Variants in SH3PXD2B observed in about 807,000 individuals in gnomAD.
SH3PXD2B encodes SH3 and PX domains 2B.
Under a neutral mutation model 73.1 loss-of-function variants are expected in SH3PXD2B, and 37 were observed. The observed-to-expected ratio is 0.51, with a 90% CI of 0.39 to 0.67. SH3PXD2B has a LOEUF of 0.67. Among genes scored for constraint, SH3PXD2B ranks in the 30% least tolerant of loss-of-function variants. The pLI, the probability that SH3PXD2B is intolerant of heterozygous loss-of-function variation, is 0.00. For missense variants in SH3PXD2B, 1,053 were observed against 1,197.8 expected, an observed-to-expected ratio of 0.88 and a Z score of 1.78; for synonymous variants, 457 against 480.5, an observed-to-expected ratio of 0.95 and a Z score of 0.64.
chr5:172,382,125 G>A lies in SH3PXD2B; in HGVS notation c.312C>T (p.Ala104=), dbSNP rs1275926463. The change falls in exon 5 of 13, where the codon GCC becomes GCT. Residue 104 remains alanine, a splice_region_variant and synonymous_variant. Coordinates refer to ENST00000311601, the MANE Select transcript of SH3PXD2B (RefSeq NM_001017995.3). ...AGATGTAGGGGGGCAGCTGGATGAG[G>A]GCCTGGAGAAGAGAGACGCAGGTGA... ...RLIPIDEYCK[A]LIQLPPYISQ... The A allele has an allele frequency of 1.2e-6, 2 of 1,605,056 alleles. No homozygotes were observed. Among genetic ancestry groups the A allele is most frequent in the East Asian group, 2.2e-5 (1 of 44,614 alleles).
intron 1 of SH3PXD2B, among the ~76,000 whole-genome samples, chr5:172,447,517 A>G (rs1759697410): frequency 6.6e-6 from 1 of 152,232 alleles, no homozygotes; most frequent in Non-Finnish European, 1.5e-5. Flanking sequence ...TCAAACCTCA[A>G]TTACATGCTA....
In SH3PXD2B at chr5:172,442,707, T is replaced by A. The variant is rs1206289211; in HGVS notation, c.75+11571A>T. On this transcript the variant is annotated intron_variant, in intron 1 of 12. Transcript: ENST00000311601. ...TGCACATCACTAGTCAGATAAATGA[T>A]GATGATGATGATGGTAAAGATAATA... 2.6e-5 allele frequency among the ~76,000 whole-genome samples: 4 copies of A among 152,310 alleles called. No homozygotes were observed. In the East Asian group the frequency reaches 7.7e-4, roughly 29 times the overall value.
chr5:172,448,426 C>G (rs111993689), intron 1 of SH3PXD2B, among the ~76,000 whole-genome samples: 4,219 of 152,298 alleles, frequency 0.028, 205 homozygotes, highest in African/African-American at 0.096. Flanking sequence ...TCTCGGCTCA[C>G]TGCAACCTCC....
intron 12 of SH3PXD2B, among the ~76,000 whole-genome samples, chr5:172,344,095 T>A (rs965149104): frequency 6.6e-6 from 1 of 151,970 alleles, no homozygotes; most frequent in Non-Finnish European, 1.5e-5. Context: ...GCCTATATCA[T>A]CATCATCATC....
chr5:172,398,342 G>A (rs2163791), intron 3 of SH3PXD2B, among the ~76,000 whole-genome samples: 78,884 of 152,128 alleles, frequency 0.52, 22,456 homozygotes, highest in African/African-American at 0.75. Flanking sequence ...TCTATCAATA[G>A]TCAGGAGCCT....
chr5:172,367,880 T>C (rs1312335335), intron 6 of SH3PXD2B, among the ~76,000 whole-genome samples: 4 of 152,174 alleles, frequency 2.6e-5, no homozygotes, highest in Non-Finnish European at 5.9e-5. Flanking sequence ...TGGTGTTGCA[T>C]GGCAGAGCAG....
chr5:172,336,612 C>T lies in SH3PXD2B; in HGVS notation c.*1757G>A. 2 of 985,878 alleles carry T rather than the reference C, an allele frequency of 2.0e-6. No individual in the cohort carries two copies. Among genetic ancestry groups the T allele is most frequent in the Non-Finnish European group, 2.4e-6 (2 of 829,964 alleles). 61.1% of individuals were successfully genotyped at this position (985,878 alleles called of 1,614,324 possible). On this transcript the variant is annotated 3_prime_UTR_variant, in exon 13 of 13. Coordinates refer to ENST00000311601, the MANE Select transcript of SH3PXD2B (RefSeq NM_001017995.3). ...GCACTGCAGGTAGACACTGAGCATC[C>T]CCCCAAAAAACTGGCTTTGTGGGTC... is the stretch of plus-strand genomic sequence containing the variant.
intron 3 of SH3PXD2B, among the ~76,000 whole-genome samples, chr5:172,403,107 G>A (rs987462246): frequency 7.2e-5 from 11 of 152,258 alleles, no homozygotes; most frequent in African/African-American, 2.7e-4. Flanking sequence ...CAGGGAAGGA[G>A]GGTGAGCCGA....
In SH3PXD2B at chr5:172,333,876, G is replaced by A. The variant is rs1756623606; in HGVS notation, c.*4493C>T. On this transcript the variant is annotated 3_prime_UTR_variant, in exon 13 of 13. Transcript: ENST00000311601. ...TTATCATCACCCCTCTAAGTGAAAG[G>A]GGCGCTAACAATAATTACACGGGCA... 7.8e-7 allele frequency: 1 copy of A among 1,275,394 alleles called. No homozygotes were observed. Among genetic ancestry groups the A allele is most frequent in the Admixed American group, 2.6e-5 (1 of 37,922 alleles). The allele number at this position is 1,275,394 out of a possible 1,614,324, so 79.0% of individuals were successfully genotyped here.
At position 172,335,833 on chromosome 5, in the gene SH3PXD2B, G is replaced by A; in HGVS notation, c.*2536C>T. The A allele has an allele frequency of 9.0e-6, 11 of 1,228,650 alleles. No homozygotes were observed. The highest frequency in any genetic ancestry group is 3.1e-4 in the Middle Eastern group (1 of 3,190). The allele number at this position is 1,228,650 out of a possible 1,614,324, so 76.1% of individuals were successfully genotyped here. On this transcript the variant is annotated 3_prime_UTR_variant, in exon 13 of 13. Coordinates refer to ENST00000311601, the MANE Select transcript of SH3PXD2B (RefSeq NM_001017995.3). ...GTAGGAAAAGGAGCTGGATACAGAC[G>A]TCCTCAGGCCATAGATATGACTCAA...
chr5:172,334,671 G>A lies in SH3PXD2B; in HGVS notation c.*3698C>T. On this transcript the variant is annotated 3_prime_UTR_variant, in exon 13 of 13. Transcript: ENST00000311601. ...TCCAGCTACGAATGTTTTTGTTCTT[G>A]ATGTCAAGTTGCCAGCTACTGGAAG... 1 of 985,518 alleles carries A rather than the reference G, an allele frequency of 1.0e-6. No homozygotes were observed. Among genetic ancestry groups the A allele is most frequent in the Non-Finnish European group, 1.2e-6 (1 of 830,012 alleles). The allele number at this position is 985,518 out of a possible 1,614,324, so 61.0% of individuals were successfully genotyped here.
intron 1 of SH3PXD2B, among the ~76,000 whole-genome samples, chr5:172,444,580 A>C (rs995723082): frequency 3.9e-5 from 6 of 152,202 alleles, no homozygotes; most frequent in Non-Finnish European, 8.8e-5. Context: ...CTTGAGAACA[A>C]AACAAATTTG....
At chr5:172,366,931 C>CGT (rs1226783777) in intron 6 of SH3PXD2B, among the ~76,000 whole-genome samples, 1 of 69,686 alleles carries the variant, frequency 1.4e-5, no homozygotes, top group African/African-American at 5.9e-5. Context: ...CGTGCCCGGC[C>CGT]ATTTTTTTTT....
At chr5:172,366,258 G>T (rs539992523) in intron 6 of SH3PXD2B, among the ~76,000 whole-genome samples, 1 of 152,124 alleles carries the variant, frequency 6.6e-6, no homozygotes, top group African/African-American at 2.4e-5. Context: ...TCTGCCCCAG[G>T]GTCTGAGAGG....
At chr5:172,408,084 C>T (rs116825072) in intron 2 of SH3PXD2B, among the ~76,000 whole-genome samples, 2,930 of 152,134 alleles carry the variant, frequency 0.019, 89 homozygotes, top group African/African-American at 0.06. Context: ...AGCTTGGCTG[C>T]GCATCCTGGA....
At position 172,353,975 on chromosome 5, in the gene SH3PXD2B, G is replaced by C; in HGVS notation, c.698C>G (p.Thr233Arg). 6.2e-7 allele frequency: 1 copy of C among 1,614,164 alleles called. No homozygotes were observed. The highest frequency in any genetic ancestry group is 8.5e-7 in the Non-Finnish European group (1 of 1,180,028). The change falls in exon 9 of 13, where the codon ACA becomes AGA. Residue 233 changes from threonine (T) to arginine (R), a missense_variant. By Grantham distance (71) the Thr-to-Arg change is moderately conservative. This residue lies in a region of SH3PXD2B where 466 missense variants were observed against 607.1 expected (regional missense o/e 0.77). Coordinates refer to ENST00000311601, the MANE Select transcript of SH3PXD2B (RefSeq NM_001017995.3). This position sits in a 1 kb window ranked among gnomAD's most constrained non-coding sequence, Gnocchi z 4.3. ...EEKYTVIYPYTARDQDEMNLE... is the reference protein window; with the variant it reads ...EEKYTVIYPYRARDQDEMNLE... ...GTTCATTTCATCCTGGTCCCGAGCT[G>C]TGTACGGGTAGATGACTGTGTACTT...
intron 5 of SH3PXD2B, among the ~76,000 whole-genome samples, chr5:172,380,620 G>A (rs764175283): frequency 6.6e-5 from 10 of 152,178 alleles, no homozygotes; most frequent in Non-Finnish European, 1.2e-4. Context: ...TAGCCAGCAC[G>A]AGCGAAACAC....
intron 5 of SH3PXD2B, among the ~76,000 whole-genome samples, chr5:172,381,437 T>G (rs905704474): frequency 6.6e-5 from 10 of 152,148 alleles, no homozygotes; most frequent in African/African-American, 2.4e-4. Context: ...TAAGTGCGGG[T>G]AAGCAGGCGG....
At chr5:172,397,690 C>A (rs1446714600) in intron 3 of SH3PXD2B, among the ~76,000 whole-genome samples, 1 of 152,198 alleles carries the variant, frequency 6.6e-6, no homozygotes, top group Non-Finnish European at 1.5e-5. Flanking sequence ...TATCTGGCAC[C>A]CAACATGGTC....
Sources: allele counts gnomAD v4.1 joint callset (sites outside exome capture counted in the v4.1 genomes callset), GRCh38; gene constraint gnomAD v4.1.1; regional missense constraint gnomAD v4.1.1; non-coding constraint Gnocchi (gnomAD v3.1); transcripts MANE v1.5; gene names NCBI Gene and HGNC (gene_info 2026-07-23, HGNC 2026-07-21).